The following KSR1 variants were observed in gnomAD, a reference collection of about 807,000 sequenced individuals.
KSR1 encodes kinase suppressor of ras 1.
Under a neutral mutation model 92.9 loss-of-function variants are expected in KSR1, and 35 were observed. The ratio of observed to expected loss-of-function variants is 0.38; its 90% CI spans 0.29 to 0.50. KSR1 has a LOEUF of 0.50. KSR1 is among the 20% of genes least tolerant of loss of function. The probability of loss-of-function intolerance (pLI) is 0.94; values close to 1 mark genes in which losing one functional copy is unlikely to be tolerated. For synonymous variants in KSR1, 467 were observed against 472.6 expected (o/e 0.99, Z 0.15); for missense variants, 972 against 1,158.5 (o/e 0.84, Z 2.34).
chr17:27,460,124 C>T (rs1049439331), intron 1 of KSR1, among the ~76,000 whole-genome samples: 9 of 152,094 alleles, frequency 5.9e-5, no homozygotes, highest in African/African-American at 1.9e-4. Context: ...CCGCTAGACC[C>T]TCCTAGGGGT....
In KSR1 at chr17:27,456,714, C is replaced by A; in HGVS notation, c.71C>A (p.Ala24Glu). The change falls in exon 1 of 21, where the codon GCG becomes GAG. Residue 24 changes from alanine to glutamate, a missense_variant. Coordinates refer to ENST00000644974, the MANE Select transcript of KSR1 (RefSeq NM_001394583.1). ...KKEGGGGGDA[A>E]AAEGGAGAAA... ...GAGGGCGGTGGCGGGGGGGATGCGG[C>A]GGCCGCGGAGGGAGGCGCAGGGGCC... 2.2e-6 allele frequency: 2 copies of A among 894,672 alleles called. No homozygotes were observed. Among genetic ancestry groups the A allele is most frequent in the Non-Finnish European group, 1.8e-6 (1 of 566,584 alleles). The allele number at this position is 894,672 out of a possible 1,614,324, so 55.4% of individuals were successfully genotyped here.
intron 2 of KSR1, chr17:27,560,314 G>A (rs894271002): frequency 4.1e-5 from 16 of 388,440 alleles, no homozygotes; most frequent in African/African-American, 3.2e-4. Context: ...GTTGTTGAAA[G>A]GAAGTGGCAA....
chr17:27,507,481 G>T (rs2069429760), intron 1 of KSR1, among the ~76,000 whole-genome samples: 1 of 142,242 alleles, frequency 7.0e-6, no homozygotes, highest in African/African-American at 2.6e-5. Flanking sequence ...ATTTTTGTAT[G>T]TTTTGTGTGA....
chr17:27,577,577 G>T lies in KSR1; in HGVS notation c.458G>T (p.Ser153Ile). The change falls in exon 3 of 21, where the codon AGC becomes ATC. Residue 153 changes from serine (S) to isoleucine (I), a missense_variant. By Grantham distance (142) the Ser-to-Ile change is moderately radical. Transcript: ENST00000644974. The surrounding 1 kb of genome is among the most constrained non-coding windows in gnomAD (Gnocchi z 4.5). The stretch of plus-strand genomic sequence containing the variant: ...GAGACGCTGCGGCGCTGTGGGGCCA[G>T]CGGGGATGAGTGTGGCCGTCTGCAG... The part of the protein sequence containing the change: ...VKETLRRCGA[S>I]GDECGRLQYA... The T allele has an allele frequency of 6.2e-7, 1 of 1,604,648 alleles. No individual in the cohort carries two copies. Among genetic ancestry groups the T allele is most frequent in the Admixed American group, 1.7e-5 (1 of 59,642 alleles).
chr17:27,512,059 T>C (rs1482500978), intron 1 of KSR1, among the ~76,000 whole-genome samples: 1 of 152,202 alleles, frequency 6.6e-6, no homozygotes, highest in South Asian at 2.1e-4. Flanking sequence ...GTAGACCAGA[T>C]CCTGAACCCC....
chr17:27,617,264 C>T, intron 18 of KSR1, 31 bp from the exon 19 acceptor site: 3 of 1,586,854 alleles, frequency 1.9e-6, no homozygotes, highest in Non-Finnish European at 2.6e-6. Flanking sequence ...CCAGCCAGCT[C>T]ACACACCACT....
chr17:27,494,806 G>A (rs2068932820), intron 1 of KSR1, among the ~76,000 whole-genome samples: 1 of 152,220 alleles, frequency 6.6e-6, no homozygotes, highest in Admixed American at 6.5e-5. Flanking sequence ...CCATTGGGCG[G>A]TGTCCCTTCC....
At chr17:27,604,227 C>T (rs1318918182) in intron 12 of KSR1, among the ~76,000 whole-genome samples, 10 of 152,168 alleles carry the variant, frequency 6.6e-5, no homozygotes, top group South Asian at 6.2e-4. Flanking sequence ...CTCACATTCC[C>T]GCATCTCACC....
chr17:27,486,002 G>T (rs909813976), intron 1 of KSR1, among the ~76,000 whole-genome samples: 4 of 152,210 alleles, frequency 2.6e-5, no homozygotes, highest in African/African-American at 9.7e-5. Context: ...GTGCTTCTTA[G>T]TGTGCCTGGC....
intron 2 of KSR1, among the ~76,000 whole-genome samples, chr17:27,572,876 A>C (rs1192365491): frequency 6.6e-6 from 1 of 152,184 alleles, no homozygotes; most frequent in Non-Finnish European, 1.5e-5. Context: ...GGCCCCTCGC[A>C]GGGGCCTTCA....
chr17:27,546,643 G>A (rs1020406637), intron 1 of KSR1, among the ~76,000 whole-genome samples: 10 of 152,176 alleles, frequency 6.6e-5, no homozygotes, highest in African/African-American at 1.7e-4. Context: ...GGGTGAGTGC[G>A]TGCCTGGTGG....
At chr17:27,501,350 A>C (rs113434749) in intron 1 of KSR1, among the ~76,000 whole-genome samples, 4,235 of 118,330 alleles carry the variant, frequency 0.036, 219 homozygotes, top group African/African-American at 0.13. Flanking sequence ...ATCTTGGCTC[A>C]CTGAATCTCT....
intron 2 of KSR1, among the ~76,000 whole-genome samples, chr17:27,563,878 C>T (rs2071937114): frequency 6.6e-6 from 1 of 152,100 alleles, no homozygotes; most frequent in Non-Finnish European, 1.5e-5. Context: ...GCCTGCTATA[C>T]CTGCCGCTTT....
intron 1 of KSR1, among the ~76,000 whole-genome samples, chr17:27,473,016 C>A (rs1248904579): frequency 1.3e-5 from 2 of 152,156 alleles, no homozygotes; most frequent in African/African-American, 4.8e-5. Flanking sequence ...CTCTGGCTCA[C>A]CTTCAGCCTC....
intron 1 of KSR1, among the ~76,000 whole-genome samples, chr17:27,529,183 A>C (rs1286601201): frequency 6.6e-6 from 1 of 152,240 alleles, no homozygotes; most frequent in Non-Finnish European, 1.5e-5. Flanking sequence ...AAGATATGTG[A>C]AGATCATACT....
In KSR1 at chr17:27,563,123, C is replaced by G. The variant is rs2071900180; in HGVS notation, c.372+12415C>G. On this transcript the variant is annotated intron_variant, in intron 2 of 20. Transcript: ENST00000644974. ...GCCACCTCCCTGGTCCTGACTAGTCCTCGGACTGTTGCAGTTTCCCCATTC... is the reference window on the plus strand; with the variant it reads ...GCCACCTCCCTGGTCCTGACTAGTCGTCGGACTGTTGCAGTTTCCCCATTC... Among the ~76,000 whole-genome samples the G allele has an allele frequency of 2.0e-5, 3 of 152,318 alleles. No individual in the cohort carries two copies. In the East Asian group the frequency reaches 5.8e-4, roughly 29 times the overall value.
Position 27,598,970 on chromosome 17 carries a change from G to C in KSR1, c.1468+1534G>C, listed in dbSNP as rs149920412. On this transcript the variant is annotated intron_variant, in intron 10 of 20. Transcript: ENST00000644974. ...GGGGCATTGCACTTGAACTTCAGGG[G>C]TAAACCTGGGAAAAGATTATAGTCA... Among the ~76,000 whole-genome samples the C allele has an allele frequency of 1.3e-3, 195 of 152,348 alleles. 1 individual carries two copies. Among genetic ancestry groups the C allele is most frequent in the African/African-American group, 4.5e-3 (186 of 41,584 alleles).
In KSR1 at chr17:27,592,612, G is replaced by A. The variant is rs2073204355; in HGVS notation, c.1285G>A (p.Ala429Thr). The change falls in exon 9 of 21, where the codon GCA (alanine) becomes ACA (threonine). Residue 429 changes from alanine (A) to threonine (T), a missense_variant. Physicochemically the swap from Ala to Thr is moderately conservative, Grantham distance 58. This residue lies in a region of KSR1 where 611 missense variants were observed against 668.0 expected (regional missense o/e 0.91). Coordinates refer to ENST00000644974, the MANE Select transcript of KSR1 (RefSeq NM_001394583.1). ...AEPHFGTLPK[A>T]LTKKEHPPAM... is the part of the protein sequence containing the mutation. ...ACCCCATTTTGGAACCCTCCCCAAA[G>A]CACTGACAAAGAAGGTACGCTGGGT... The A allele has an allele frequency of 6.2e-7, 1 of 1,613,818 alleles. No homozygotes were observed. The highest frequency in any genetic ancestry group is 1.3e-5 in the African/African-American group (1 of 75,048).
chr17:27,582,127 A>G (rs987952326), intron 3 of KSR1, among the ~76,000 whole-genome samples: 2 of 152,072 alleles, frequency 1.3e-5, no homozygotes, highest in African/African-American at 4.8e-5. Context: ...TGCTCCCCCA[A>G]GACCTGCCCA....
Sources: allele counts gnomAD v4.1 joint callset (sites outside exome capture counted in the v4.1 genomes callset), GRCh38; gene constraint gnomAD v4.1.1; regional missense constraint gnomAD v4.1.1; non-coding constraint Gnocchi (gnomAD v3.1); transcripts MANE v1.5; gene names NCBI Gene and HGNC (gene_info 2026-07-23, HGNC 2026-07-21).